MAGEA11: variants seen among roughly 807,000 people sequenced by gnomAD.
The protein encoded by MAGEA11 is melanoma-associated antigen 11.
In MAGEA11, 1 loss-of-function variant was observed where a neutral mutation model predicts 8.4. That is an observed-to-expected ratio of 0.12 (90% CI 0.04 to 0.57). The LOEUF (loss-of-function observed/expected upper bound fraction) is 0.57, where lower values mean the gene tolerates loss of function less well. Ranked by LOEUF, MAGEA11 falls within the 20% of genes least tolerant of loss-of-function variation. The pLI is 0.91. For synonymous variants in MAGEA11, 127 were observed against 119.3 expected, an observed-to-expected ratio of 1.06 and a Z score of -0.42; for missense variants, 209 against 317.3, an observed-to-expected ratio of 0.66 and a Z score of 2.59.
At chrX:149,708,309 A>T (rs2090385670), upstream of MAGEA11, among the ~76,000 whole-genome samples, 1 of 112,024 alleles carries the variant, frequency 8.9e-6, no homozygotes, top group Non-Finnish European at 1.9e-5. Flanking sequence ...ATGAAAGGTC[A>T]GGATCCAACT....
intron 1 of MAGEA11, among the ~76,000 whole-genome samples, chrX:149,702,808 T>C (rs1181942543): frequency 1.8e-5 from 2 of 112,022 alleles, no homozygotes; most frequent in East Asian, 5.5e-4. Flanking sequence ...TAGTCTACCA[T>C]TTTAATCCCA....
chrX:149,706,617 G>A (rs1173253413), intron 1 of MAGEA11, among the ~76,000 whole-genome samples: 3 of 112,111 alleles, frequency 2.7e-5, no homozygotes, highest in Non-Finnish European at 5.6e-5. Context: ...CTTTGGAAGG[G>A]GATTTCTAAG....
rs1472789072 is a variant in MAGEA11, at chrX:149,716,767, G to A, written c.1281G>A (p.Glu427=). 2.5e-6 allele frequency: 3 copies of A among 1,189,458 alleles called. No individual in the cohort carries two copies. The highest frequency in any genetic ancestry group is 6.0e-5 in the East Asian group (2 of 33,605). ...AAGATGCTTTGAGAGAGGAGGGAGA[G>A]GGAGTCTGAGCATGAGATGCAACCA... ...LYEDALREEG[E]GV Residue 427 remains glutamate, a synonymous_variant, in exon 5 of 5, where the codon GAG becomes GAA. Coordinates refer to ENST00000355220, the MANE Select transcript of MAGEA11 (RefSeq NM_005366.5).
intron 1 of MAGEA11, among the ~76,000 whole-genome samples, chrX:149,693,557 T>A (rs1200026855): frequency 8.9e-6 from 1 of 111,860 alleles, no homozygotes; most frequent in Admixed American, 9.5e-5. Context: ...GTGTTGTCAG[T>A]TTGCTTTCTT....
At chrX:149,696,316 T>C (rs2090330268) in intron 1 of MAGEA11, among the ~76,000 whole-genome samples, 1 of 109,263 alleles carries the variant, frequency 9.2e-6, no homozygotes, top group South Asian at 4.2e-4. Context: ...GCCCTGGTGG[T>C]CATTCAGAAG....
upstream of MAGEA11, chrX:149,688,290 T>C (rs963635888): frequency 8.9e-6 from 1 of 112,048 alleles, no homozygotes; most frequent in Admixed American, 9.4e-5. Context: ...TCAGACAAGG[T>C]AGGTCAGAGA....
intron 1 of MAGEA11, among the ~76,000 whole-genome samples, chrX:149,695,635 A>G (rs2090327552): frequency 8.9e-6 from 1 of 112,105 alleles, no homozygotes; most frequent in African/African-American, 3.2e-5. Flanking sequence ...GGCCAAAAGA[A>G]CATGAAAGGA....
At chrX:149,694,370 A>G (rs2090322026) in intron 1 of MAGEA11, among the ~76,000 whole-genome samples, 1 of 112,068 alleles carries the variant, frequency 8.9e-6, no homozygotes, top group Non-Finnish European at 1.9e-5. Context: ...TTCTTTGGAG[A>G]ACTGTCTATT....
At chrX:149,711,286 A>G (rs1005499128), upstream of MAGEA11, among the ~76,000 whole-genome samples, 1 of 112,755 alleles carries the variant, frequency 8.9e-6, no homozygotes, top group Non-Finnish European at 1.9e-5. Context: ...TTAAAAAATG[A>G]AAATCACTAA....
At chrX:149,701,028 G>A (rs1309329487) in intron 1 of MAGEA11, among the ~76,000 whole-genome samples, 11 of 110,058 alleles carry the variant, frequency 1.0e-4, no homozygotes, top group South Asian at 8.0e-4. Context: ...ATAAACATAC[G>A]TGTGCATGTG....
At chrX:149,693,078 C>T (rs782678591) in intron 1 of MAGEA11, among the ~76,000 whole-genome samples, 8 of 112,347 alleles carry the variant, frequency 7.1e-5, no homozygotes, top group African/African-American at 9.7e-5. Context: ...AATCACAATT[C>T]TTTTCAAGTA....
upstream of MAGEA11, among the ~76,000 whole-genome samples, chrX:149,707,757 T>G (rs781913660): frequency 2.7e-5 from 3 of 111,735 alleles, no homozygotes; most frequent in African/African-American, 9.7e-5. Context: ...ACTCCCAACT[T>G]TGTTGGTTTC....
At chrX:149,693,932 T>G (rs998420344) in intron 1 of MAGEA11, among the ~76,000 whole-genome samples, 3 of 112,498 alleles carry the variant, frequency 2.7e-5, no homozygotes, top group Non-Finnish European at 5.6e-5. Flanking sequence ...GACATTTCAT[T>G]GTATGTATAT....
intron 1 of MAGEA11, among the ~76,000 whole-genome samples, chrX:149,700,227 C>G (rs1476224323): frequency 8.9e-6 from 1 of 112,141 alleles, no homozygotes; most frequent in East Asian, 2.8e-4. Flanking sequence ...TATTTTCGTG[C>G]TTTATAAATC....
intron 1 of MAGEA11, among the ~76,000 whole-genome samples, chrX:149,698,686 T>A (rs1392399909): frequency 8.9e-6 from 1 of 111,809 alleles, no homozygotes; most frequent in Non-Finnish European, 1.9e-5. Flanking sequence ...ATTAAATGCA[T>A]GAGTTGATGG....
intron 1 of MAGEA11, among the ~76,000 whole-genome samples, chrX:149,701,860 C>A (rs372357822): frequency 9.0e-6 from 1 of 111,316 alleles, no homozygotes; most frequent in African/African-American, 3.3e-5. Context: ...CAGGTTTGTC[C>A]AAGATGAGAT....
At chrX:149,703,748 C>T (rs2090363791) in intron 1 of MAGEA11, among the ~76,000 whole-genome samples, 2 of 111,913 alleles carry the variant, frequency 1.8e-5, no homozygotes, top group African/African-American at 3.2e-5. Context: ...AAGACATATA[C>T]AGGTTCAGGA....
intron 1 of MAGEA11, among the ~76,000 whole-genome samples, chrX:149,702,200 A>ATTG (rs1219018932): frequency 9.0e-6 from 1 of 111,311 alleles, no homozygotes; most frequent in Non-Finnish European, 1.9e-5. Flanking sequence ...GCTGGTTTAT[A>ATTG]TTGTTGTTGA....
intron 1 of MAGEA11, among the ~76,000 whole-genome samples, chrX:149,689,932 T>C (rs782064376): frequency 7.4e-4 from 83 of 112,005 alleles, no homozygotes; most frequent in Non-Finnish European, 1.3e-3. Flanking sequence ...CTGTTTACCC[T>C]CCCTCCCTCC....
Sources: gnomAD v4.1 joint callset for allele counts (sites outside exome capture counted in the v4.1 genomes callset) on GRCh38, gnomAD v4.1.1 for gene constraint, MANE v1.5 for transcripts, NCBI Gene and HGNC (gene_info 2026-07-23, HGNC 2026-07-21) for gene names.